The following PCDH9 variants were observed in gnomAD, a reference collection of about 807,000 sequenced individuals.
The protein encoded by PCDH9 is protocadherin 9.
In PCDH9, 24 loss-of-function variants were observed where a neutral mutation model predicts 70.6. The ratio of observed to expected loss-of-function variants is 0.34; its 90% confidence interval spans 0.25 to 0.48. The LOEUF is 0.48. Among genes scored for constraint, PCDH9 ranks in the 20% least tolerant of loss-of-function variants. The pLI is 0.99. For synonymous variants in PCDH9, 562 were observed against 558.5 expected (o/e 1.01, Z -0.09); for missense variants, 1,281 against 1,503.6 (o/e 0.85, Z 2.45).
chr13:66,630,637 C>T (rs77113851), intron 4 of PCDH9: 2,127 of 152,114 alleles, frequency 0.014, 22 homozygotes, highest in Middle Eastern at 0.034. Context: ...TTCAAGTAGA[C>T]AATAAAGGAA....
At chr13:66,888,066 A>C (rs575920826) in intron 3 of PCDH9, among the ~76,000 whole-genome samples, 34 of 152,286 alleles carry the variant, frequency 2.2e-4, no homozygotes, top group African/African-American at 8.2e-4. Context: ...CAGCTTGCAA[A>C]CACCTCTGGC....
chr13:66,684,524 A>T (rs2078373251), intron 3 of PCDH9, among the ~76,000 whole-genome samples: 1 of 152,146 alleles, frequency 6.6e-6, no homozygotes, highest in African/African-American at 2.4e-5. Context: ...AGTTCCCACA[A>T]GAAAACAATT....
chr13:67,086,712 G>A (rs946427802), intron 2 of PCDH9, among the ~76,000 whole-genome samples: 1 of 152,070 alleles, frequency 6.6e-6, no homozygotes, highest in Non-Finnish European at 1.5e-5. Context: ...GAGCAAAGTG[G>A]CTGTAAAGAA....
In PCDH9 at chr13:67,225,410, T is replaced by G. The variant is rs1281425191; in HGVS notation, c.3031A>C (p.Arg1011=). The change falls in exon 2 of 5, where the codon AGA becomes CGA. Residue 1011 remains arginine (R), a synonymous_variant. Transcript: ENST00000377865. The stretch of plus-strand genomic sequence containing the variant: ...CAGTAAAAGTGCTCGTTTACCTGTC[T>G]GGTGTGTAAGGGGCCCTTTGTCTTG... The part of the protein sequence containing the change: ...GFKTKGPLHT[R]QCNSHSKSDN... 1.9e-6 allele frequency: 3 copies of G among 1,613,728 alleles called. No homozygotes were observed. In the African/African-American group the frequency reaches 4.0e-5, roughly 22 times the overall value.
At chr13:67,156,525 C>G (rs940038625) in intron 2 of PCDH9, among the ~76,000 whole-genome samples, 1 of 151,966 alleles carries the variant, frequency 6.6e-6, no homozygotes, top group African/African-American at 2.4e-5. Context: ...GAGCCCTGGC[C>G]GTGGAGTGCC....
At chr13:66,736,976 T>C (rs9317609) in intron 3 of PCDH9, among the ~76,000 whole-genome samples, 90,773 of 152,044 alleles carry the variant, frequency 0.6, 28,480 homozygotes, top group Non-Finnish European at 0.71. Flanking sequence ...CCATATAAAA[T>C]ATACGTTCCT....
chr13:67,004,679 G>A (rs1386572653), intron 2 of PCDH9, among the ~76,000 whole-genome samples: 1 of 151,982 alleles, frequency 6.6e-6, no homozygotes, highest in Non-Finnish European at 1.5e-5. Context: ...GGGCTTCCAT[G>A]GAGTCCAGGT....
intron 2 of PCDH9, among the ~76,000 whole-genome samples, chr13:67,128,395 G>A (rs1594549538): frequency 1.3e-5 from 2 of 152,254 alleles, no homozygotes; most frequent in Middle Eastern, 6.8e-3. Context: ...TCAATGAAGA[G>A]ACAGGACTTA....
intron 3 of PCDH9, among the ~76,000 whole-genome samples, chr13:66,796,824 C>T (rs1217511508): frequency 6.6e-6 from 1 of 151,782 alleles, no homozygotes; most frequent in African/African-American, 2.4e-5. Context: ...AGTGTATTAA[C>T]GGTTGAAGAA....
intron 2 of PCDH9, among the ~76,000 whole-genome samples, chr13:67,107,942 G>C (rs913535461): frequency 3.3e-5 from 5 of 152,166 alleles, no homozygotes; most frequent in African/African-American, 1.2e-4. Flanking sequence ...CCTTTGTCTA[G>C]ATGTGGGTGC....
chr13:66,968,163 C>T (rs1459951628), intron 2 of PCDH9, among the ~76,000 whole-genome samples: 2 of 152,004 alleles, frequency 1.3e-5, no homozygotes, highest in Non-Finnish European at 2.9e-5. Flanking sequence ...CATGTAAAAG[C>T]TTTTTAAATA....
At chr13:66,904,816 T>G (rs1376681686) in intron 2 of PCDH9, among the ~76,000 whole-genome samples, 2 of 152,032 alleles carry the variant, frequency 1.3e-5, no homozygotes, top group African/African-American at 4.8e-5. Context: ...CATTACATTT[T>G]GAAGATATAA....
chr13:66,492,971 A>C (rs1246566496), intron 4 of PCDH9, among the ~76,000 whole-genome samples: 1 of 152,176 alleles, frequency 6.6e-6, no homozygotes, highest in Non-Finnish European at 1.5e-5. Flanking sequence ...ATCCTGTCTC[A>C]TTAAAAATAT....
chr13:66,574,874 T>C (rs1030746296), intron 4 of PCDH9, among the ~76,000 whole-genome samples: 6 of 152,114 alleles, frequency 3.9e-5, no homozygotes, highest in African/African-American at 1.4e-4. Flanking sequence ...GACCTAGTAA[T>C]AGCAAAGATA....
At chr13:66,619,074 G>C (rs1186224985) in intron 4 of PCDH9, among the ~76,000 whole-genome samples, 16 of 152,106 alleles carry the variant, frequency 1.1e-4, no homozygotes, top group African/African-American at 3.6e-4. Context: ...TCACATTTGA[G>C]ATTGACAGCT....
At chr13:67,065,891 G>A (rs973787933) in intron 2 of PCDH9, among the ~76,000 whole-genome samples, 3 of 151,658 alleles carry the variant, frequency 2.0e-5, no homozygotes, top group African/African-American at 7.3e-5. Flanking sequence ...AATCACGGTG[G>A]GAAAGAAAAA....
chr13:67,039,463 C>T (rs991366390), intron 2 of PCDH9, among the ~76,000 whole-genome samples: 1 of 152,140 alleles, frequency 6.6e-6, no homozygotes, highest in Non-Finnish European at 1.5e-5. Context: ...ACACCTCATG[C>T]CCCATCCCTA....
intron 2 of PCDH9, among the ~76,000 whole-genome samples, chr13:67,076,230 A>C (rs1057066969): frequency 2.6e-5 from 4 of 152,180 alleles, no homozygotes; most frequent in Non-Finnish European, 5.9e-5. Flanking sequence ...TAAAGACAGT[A>C]ATAAATGTAA....
chr13:66,489,553 T>A (rs1345924031), intron 4 of PCDH9, among the ~76,000 whole-genome samples: 3 of 152,096 alleles, frequency 2.0e-5, no homozygotes, highest in Non-Finnish European at 4.4e-5. Flanking sequence ...CTCAAGGGAT[T>A]CTCCTGCTTC....
Sources: allele counts gnomAD v4.1 joint callset (sites outside exome capture counted in the v4.1 genomes callset), GRCh38; gene constraint gnomAD v4.1.1; transcripts MANE v1.5; gene names NCBI Gene and HGNC (gene_info 2026-07-23, HGNC 2026-07-21).